ST6GAL2: variants seen among roughly 807,000 people sequenced by gnomAD.
The protein encoded by ST6GAL2 is ST6 beta-galactoside alpha-2,6-sialyltransferase 2.
In ST6GAL2, 24 loss-of-function variants were observed where a neutral mutation model predicts 37.5. The observed-to-expected ratio is 0.64, with a 90% CI of 0.46 to 0.90. The LOEUF (loss-of-function observed/expected upper bound fraction) is 0.90. ST6GAL2 is among the 40% of genes least tolerant of loss of function. The pLI, the probability that ST6GAL2 is intolerant of heterozygous loss-of-function variation, is 0.00. For synonymous variants in ST6GAL2, 306 were observed against 295.1 expected (o/e 1.04, Z -0.38); for missense variants, 715 against 712.7 (o/e 1.00, Z -0.04).
At chr2:106,832,780 G>C in intron 3 of ST6GAL2, 114 bp from the exon 4 acceptor site, 1 of 731,840 alleles carries the variant, frequency 1.4e-6, no homozygotes, top group South Asian at 1.5e-5. Flanking sequence ...TGGCTCAGAC[G>C]TTGTATTTTC....
At chr2:106,865,942 G>A (rs945564715) in intron 1 of ST6GAL2, among the ~76,000 whole-genome samples, 31 of 152,160 alleles carry the variant, frequency 2.0e-4, no homozygotes, top group African/African-American at 6.0e-4. Flanking sequence ...CAGTTCCAGA[G>A]GTGACATTTA....
intron 5 of ST6GAL2, among the ~76,000 whole-genome samples, chr2:106,813,503 G>A (rs1019138962): frequency 3.9e-5 from 6 of 152,050 alleles, no homozygotes; most frequent in Non-Finnish European, 7.4e-5. Flanking sequence ...AGATGACTGA[G>A]GTTTCCTTTA....
In ST6GAL2 at chr2:106,843,428, G is replaced by A; in HGVS notation, c.550C>T (p.His184Tyr). Reference sequence around the variant, plus strand: ...CCGTCGTCGCCCTCCTCCAACACGTGGCTCCTTCTCTGCCTCCGGTGCCTC... The same window carrying A: ...CCGTCGTCGCCCTCCTCCAACACGTAGCTCCTTCTCTGCCTCCGGTGCCTC... ...KKRHRRQRRS[H>Y]VLEEGDDGDR... Residue 184 changes from histidine to tyrosine, a missense_variant, in exon 2 of 6, where the codon CAC becomes TAC. His to Tyr is a moderately conservative substitution (Grantham distance 83, BLOSUM62 2). Coordinates refer to ENST00000409382, the MANE Select transcript of ST6GAL2 (RefSeq NM_001142351.2). The A allele has an allele frequency of 6.2e-7, 1 of 1,614,108 alleles. No individual in the cohort carries two copies.
At chr2:106,866,517 C>T (rs1255629607) in intron 1 of ST6GAL2, among the ~76,000 whole-genome samples, 2 of 152,150 alleles carry the variant, frequency 1.3e-5, no homozygotes, top group East Asian at 1.9e-4. Context: ...GGACTCAAAA[C>T]GAGTGCAAGG....
At chr2:106,846,617 T>C (rs1377890705) in intron 1 of ST6GAL2, among the ~76,000 whole-genome samples, 2 of 152,230 alleles carry the variant, frequency 1.3e-5, no homozygotes, top group Non-Finnish European at 2.9e-5. Context: ...TTCTACAAAA[T>C]GCAACATTCG....
intron 1 of ST6GAL2, among the ~76,000 whole-genome samples, chr2:106,868,800 T>A (rs1298830184): frequency 1.3e-5 from 2 of 152,114 alleles, no homozygotes; most frequent in Non-Finnish European, 2.9e-5. Flanking sequence ...TGTCTGAAAT[T>A]GTGCCCCCAC....
At chr2:106,810,090 A>G (rs1675551132) in intron 5 of ST6GAL2, among the ~76,000 whole-genome samples, 1 of 152,156 alleles carries the variant, frequency 6.6e-6, no homozygotes, top group Admixed American at 6.5e-5. Context: ...TTCCCTATAC[A>G]TCCTTGCTAT....
intron 5 of ST6GAL2, among the ~76,000 whole-genome samples, chr2:106,808,718 A>G (rs116521654): frequency 2.8e-3 from 428 of 152,306 alleles, no homozygotes; most frequent in African/African-American, 0.01. Flanking sequence ...ACTGCTCTCA[A>G]ACATTTTTTC....
chr2:106,847,582 G>A (rs1332790951), intron 1 of ST6GAL2, among the ~76,000 whole-genome samples: 1 of 152,068 alleles, frequency 6.6e-6, no homozygotes, highest in Non-Finnish European at 1.5e-5. Flanking sequence ...GTAATTATCT[G>A]CTGCTTGCTA....
chr2:106,848,335 C>A (rs1175153412), intron 1 of ST6GAL2, among the ~76,000 whole-genome samples: 2 of 152,196 alleles, frequency 1.3e-5, no homozygotes, highest in African/African-American at 4.8e-5. Context: ...AAGGCTGCAG[C>A]AGCTGATTTA....
chr2:106,866,928 T>G (rs1386487885), intron 1 of ST6GAL2, among the ~76,000 whole-genome samples: 4 of 152,234 alleles, frequency 2.6e-5, no homozygotes, highest in African/African-American at 7.2e-5. Flanking sequence ...AGTTAAATGC[T>G]TTTAAATTTG....
chr2:106,882,583 C>A (rs1678798629), intron 1 of ST6GAL2, among the ~76,000 whole-genome samples: 1 of 152,188 alleles, frequency 6.6e-6, no homozygotes, highest in Non-Finnish European at 1.5e-5. Context: ...TTACAATTAT[C>A]AGTTTTGTGG....
At chr2:106,814,392 A>G (rs758811137) in intron 5 of ST6GAL2, among the ~76,000 whole-genome samples, 4 of 151,804 alleles carry the variant, frequency 2.6e-5, no homozygotes, top group Non-Finnish European at 5.9e-5. Context: ...TTTTAAGCCT[A>G]TTATTCTTGT....
chr2:106,875,617 T>A (rs967445647), intron 1 of ST6GAL2, among the ~76,000 whole-genome samples: 9 of 152,226 alleles, frequency 5.9e-5, no homozygotes, highest in Non-Finnish European at 1.0e-4. Flanking sequence ...TTTTTATATT[T>A]ACATTCATTG....
At chr2:106,883,303 T>C (rs1678827644) in intron 1 of ST6GAL2, among the ~76,000 whole-genome samples, 1 of 152,212 alleles carries the variant, frequency 6.6e-6, no homozygotes, top group Admixed American at 6.5e-5. Flanking sequence ...CTTCGCATTG[T>C]GTACTTAATA....
At chr2:106,856,196 T>C (rs1049531681) in intron 1 of ST6GAL2, among the ~76,000 whole-genome samples, 8 of 152,244 alleles carry the variant, frequency 5.3e-5, no homozygotes, top group African/African-American at 1.9e-4. Context: ...AGCTCTGCTG[T>C]GTGCCTGCAG....
chr2:106,847,225 A>G (rs1677180719), intron 1 of ST6GAL2, among the ~76,000 whole-genome samples: 1 of 152,192 alleles, frequency 6.6e-6, no homozygotes, highest in African/African-American at 2.4e-5. Flanking sequence ...AGTTCTGTAA[A>G]CATCTTACCA....
At chr2:106,869,566 C>T (rs10165267) in intron 1 of ST6GAL2, among the ~76,000 whole-genome samples, 70 of 152,286 alleles carry the variant, frequency 4.6e-4, no homozygotes, top group African/African-American at 1.6e-3. Context: ...AAAGTGCAGA[C>T]GCCCCCTCCT....
chr2:106,825,850 G>A (rs999524818), intron 5 of ST6GAL2, among the ~76,000 whole-genome samples: 6 of 152,200 alleles, frequency 3.9e-5, no homozygotes, highest in Admixed American at 1.3e-4. Context: ...CTGGCACACA[G>A]GAAGTGTGCA....
Sources: gnomAD v4.1 joint callset for allele counts (sites outside exome capture counted in the v4.1 genomes callset) on GRCh38, gnomAD v4.1.1 for gene constraint, MANE v1.5 for transcripts, NCBI Gene and HGNC (gene_info 2026-07-23, HGNC 2026-07-21) for gene names.